LUC7L2: variants seen among roughly 807,000 people sequenced by gnomAD.
LUC7L2 encodes the protein LUC7 like 2, pre-mRNA splicing factor, also known as putative RNA-binding protein Luc7-like 2.
A neutral mutation model predicts 52.8 loss-of-function variants in LUC7L2; 25 were observed. The ratio of observed to expected loss-of-function variants is 0.47; its 90% CI spans 0.34 to 0.66. The LOEUF (loss-of-function observed/expected upper bound fraction) is 0.66. LUC7L2 is among the 30% of genes least tolerant of loss of function. The pLI is 0.01. For synonymous variants in LUC7L2, 144 were observed against 160.9 expected (o/e 0.89, Z 0.80); for missense variants, 328 against 497.8 (o/e 0.66, Z 3.25).
Position 139,412,562 on chromosome 7 carries a change from A to C in LUC7L2, c.791A>C (p.His264Pro). The C allele has an allele frequency of 6.2e-7, 1 of 1,606,030 alleles. No homozygotes were observed. Among genetic ancestry groups the C allele is most frequent in the Non-Finnish European group, 8.5e-7 (1 of 1,177,532 alleles). ...TTTTTTTTTTTTAGGTCCCGATCAC[A>C]CAGCAAGAATCCAAAAAGGTAGGTG... ...EREKLRRSRS[H>P]SKNPKRSRSR... Residue 264 changes from histidine to proline, a missense_variant, in exon 8 of 10, where the codon CAC (histidine) becomes CCC (proline). Around this residue, in one of 2 missense-constraint regions of LUC7L2, gnomAD observed 195 missense variants for 223.3 expected, o/e 0.87. Transcript: ENST00000354926.
At chr7:139,358,831 C>A (rs891568440), upstream of LUC7L2, among the ~76,000 whole-genome samples, 4 of 152,096 alleles carry the variant, frequency 2.6e-5, no homozygotes, top group African/African-American at 9.7e-5. Flanking sequence ...GAGGCGCCCG[C>A]CATCACGCCC....
chr7:139,373,859 A>C (rs933332080), intron 1 of LUC7L2, among the ~76,000 whole-genome samples: 1 of 152,206 alleles, frequency 6.6e-6, no homozygotes, highest in African/African-American at 2.4e-5. Flanking sequence ...CATTACCAAA[A>C]CATTTAGATA....
chr7:139,363,853 TA>T (rs1028816303), intron 1 of LUC7L2, among the ~76,000 whole-genome samples: 3 of 152,082 alleles, frequency 2.0e-5, no homozygotes, highest in African/African-American at 7.2e-5. Context: ...GTTCCTTAGC[TA>T]AAGCCCCTTT....
At chr7:139,409,228 G>A (rs181958270) in intron 6 of LUC7L2, among the ~76,000 whole-genome samples, 178 of 151,766 alleles carry the variant, frequency 1.2e-3, no homozygotes, top group African/African-American at 4.2e-3. Flanking sequence ...GATCACTGGA[G>A]CCCAGGAGTT....
upstream of LUC7L2, among the ~76,000 whole-genome samples, chr7:139,355,367 A>G (rs1395089386): frequency 1.3e-5 from 2 of 151,762 alleles, no homozygotes; most frequent in African/African-American, 4.9e-5. Flanking sequence ...TTTTTTACAA[A>G]TACATGTTTA....
intron 1 of LUC7L2, chr7:139,345,793 T>C: frequency 7.3e-7 from 1 of 1,377,722 alleles, no homozygotes; most frequent in Non-Finnish European, 9.6e-7. Context: ...TTTTTAAGTT[T>C]AAGGTTTTTC....
chr7:139,389,292 AT>A (rs538229120), intron 2 of LUC7L2, among the ~76,000 whole-genome samples: 1 of 151,602 alleles, frequency 6.6e-6, no homozygotes, highest in African/African-American at 2.4e-5. Context: ...TAAATTCTGC[AT>A]TTTTTTTGAC....
chr7:139,419,221 T>TATAAAGTGCTAAACTGC (rs1205450596), intron 9 of LUC7L2, among the ~76,000 whole-genome samples: 1 of 152,128 alleles, frequency 6.6e-6, no homozygotes, highest in Non-Finnish European at 1.5e-5. Context: ...TACCACATGT[T>TATAAAGTGCTAAACTGC]ATAAAGTGCT....
upstream of LUC7L2, among the ~76,000 whole-genome samples, chr7:139,358,791 T>C (rs1799706331): frequency 6.6e-6 from 1 of 152,104 alleles, no homozygotes; most frequent in Non-Finnish European, 1.5e-5. Flanking sequence ...TTCAAACGAT[T>C]CTCCTGCCTC....
intron 3 of LUC7L2, among the ~76,000 whole-genome samples, chr7:139,400,829 CAAATTAAAAG>C (rs1794879633): frequency 6.6e-6 from 1 of 152,048 alleles, no homozygotes; most frequent in African/African-American, 2.4e-5. Context: ...TAAAAATTTT[CAAATTAAAAG>C]AAATTAACTA....
In LUC7L2 at chr7:139,397,537, C is replaced by T. The variant is rs1794715775; in HGVS notation, c.157-1062C>T. ...TTAATAGTCAAAGGAAGGAGAATGA[C>T]TTGTACTCCCTTTTTACCAACCCTC... is the stretch of plus-strand genomic sequence containing the variant. On this transcript the variant is annotated intron_variant, in intron 2 of 9. Coordinates refer to ENST00000354926, the MANE Select transcript of LUC7L2 (RefSeq NM_016019.5). 2.0e-5 allele frequency among the ~76,000 whole-genome samples: 3 copies of T among 152,326 alleles called. No individual in the cohort carries two copies. In the South Asian group the frequency reaches 6.2e-4, roughly 32 times the overall value.
At chr7:139,354,366 A>G (rs961403412) in intron 1 of LUC7L2, among the ~76,000 whole-genome samples, 1 of 152,042 alleles carries the variant, frequency 6.6e-6, no homozygotes, top group African/African-American at 2.4e-5. Context: ...GCATTTGTCA[A>G]TTTATTTATT....
intron 7 of LUC7L2, among the ~76,000 whole-genome samples, chr7:139,410,120 T>C (rs927933566): frequency 4.6e-5 from 7 of 151,462 alleles, no homozygotes; most frequent in Admixed American, 6.6e-5. Context: ...GGCAGGAGAA[T>C]GGCGTGAACC....
At position 139,422,386 on chromosome 7, in the gene LUC7L2, C is replaced by T. The variant is rs377113094; in HGVS notation, c.*46C>T. On this transcript the variant is annotated 3_prime_UTR_variant, in exon 10 of 10. Transcript: ENST00000354926. ...AGTCCTTAAGCTTCCTACGGAGTTA[C>T]GTACTATTGTTTAGTTCACAGCTGT... 78 of 1,565,896 alleles carry T rather than the reference C, an allele frequency of 5.0e-5. No homozygotes were observed. The highest frequency in any genetic ancestry group is 5.9e-5 in the Non-Finnish European group (68 of 1,159,002).
At chr7:139,348,592 G>T (rs902955911) in intron 1 of LUC7L2, among the ~76,000 whole-genome samples, 2 of 151,762 alleles carry the variant, frequency 1.3e-5, no homozygotes, top group Non-Finnish European at 2.9e-5. Context: ...AGTGGTGTGT[G>T]CCTGTAGTCC....
intron 1 of LUC7L2, among the ~76,000 whole-genome samples, chr7:139,350,178 G>A (rs1325664987): frequency 2.6e-5 from 4 of 152,002 alleles, no homozygotes; most frequent in African/African-American, 9.7e-5. Context: ...CTGGAGTGCA[G>A]TGGCGCGATC....
Position 139,376,174 on chromosome 7 carries a change from G to T in LUC7L2, c.156+18G>T. The stretch of plus-strand genomic sequence containing the variant: ...CTGGAACTGTATGTATTTACTAAAT[G>T]TATTGTTAGATTACTGATATGCTGC... On this transcript the variant is annotated intron_variant, in intron 2 of 9. Coordinates refer to ENST00000354926, the MANE Select transcript of LUC7L2 (RefSeq NM_016019.5). 6.2e-7 allele frequency: 1 copy of T among 1,611,782 alleles called. No homozygotes were observed. Among genetic ancestry groups the T allele is most frequent in the Non-Finnish European group, 8.5e-7 (1 of 1,178,440 alleles).
chr7:139,350,265 G>A (rs1799409407), intron 1 of LUC7L2, among the ~76,000 whole-genome samples: 1 of 152,112 alleles, frequency 6.6e-6, no homozygotes, highest in Non-Finnish European at 1.5e-5. Context: ...GGGACTACAG[G>A]CGCCCGCCAC....
intron 2 of LUC7L2, among the ~76,000 whole-genome samples, chr7:139,385,839 GT>G (rs1397137822): frequency 6.6e-6 from 1 of 152,068 alleles, no homozygotes; most frequent in Non-Finnish European, 1.5e-5. Context: ...CCCTCCAGAT[GT>G]TTTTTAGAGA....
Sources: gnomAD v4.1 joint callset for allele counts (sites outside exome capture counted in the v4.1 genomes callset) on GRCh38, gnomAD v4.1.1 for gene constraint, gnomAD v4.1.1 regional missense constraint, MANE v1.5 for transcripts, NCBI Gene and HGNC (gene_info 2026-07-23, HGNC 2026-07-21) for gene names.